The following DIAPH3 variants were observed in gnomAD, a reference collection of about 807,000 sequenced individuals.
DIAPH3 encodes protein diaphanous homolog 3.
In DIAPH3, 117 loss-of-function variants were observed where a neutral mutation model predicts 144.3. The observed-to-expected ratio is 0.81, with a 90% CI of 0.70 to 0.95. The LOEUF is 0.95. Ranked by LOEUF, DIAPH3 falls within the 40% of genes least tolerant of loss-of-function variation. The pLI, the probability that DIAPH3 is intolerant of heterozygous loss-of-function variation, is 0.00. For synonymous variants in DIAPH3, 519 were observed against 488.9 expected, an observed-to-expected ratio of 1.06 and a Z score of -0.81; for missense variants, 1,421 against 1,412.7, an observed-to-expected ratio of 1.01 and a Z score of -0.09.
intron 25 of DIAPH3, among the ~76,000 whole-genome samples, chr13:59,784,105 C>T (rs182519496): frequency 4.6e-5 from 7 of 152,152 alleles, no homozygotes; most frequent in East Asian, 1.9e-4. Context: ...TATTTAGAGG[C>T]GAAGTCTTGC....
At chr13:59,836,520 G>A (rs1418100781) in intron 23 of DIAPH3, among the ~76,000 whole-genome samples, 2 of 151,622 alleles carry the variant, frequency 1.3e-5, no homozygotes, top group South Asian at 2.1e-4. Context: ...TTTAAAGGAT[G>A]CACTAAATTC....
chr13:60,039,310 CT>C (rs35036139), intron 5 of DIAPH3, among the ~76,000 whole-genome samples: 25 of 147,230 alleles, frequency 1.7e-4, no homozygotes, highest in South Asian at 2.2e-4. Flanking sequence ...ATTTCTTTCT[CT>C]TTTTTTTTTT....
At chr13:59,806,823 T>A (rs1002694255) in intron 25 of DIAPH3, among the ~76,000 whole-genome samples, 3 of 151,920 alleles carry the variant, frequency 2.0e-5, no homozygotes, top group Non-Finnish European at 4.4e-5. Context: ...ATTTTTATAA[T>A]AGTACAATGT....
rs2039841015 is a variant in DIAPH3, at chr13:59,800,343, T to C, written c.3163+10445A>G. 2.0e-5 allele frequency among the ~76,000 whole-genome samples: 3 copies of C among 152,162 alleles called. No homozygotes were observed. In the South Asian group the frequency reaches 6.2e-4, roughly 32 times the overall value. On this transcript the variant is annotated intron_variant, in intron 25 of 27. Coordinates refer to ENST00000400324, the MANE Select transcript of DIAPH3 (RefSeq NM_001042517.2). The stretch of plus-strand genomic sequence containing the variant: ...ATATCCTACTTATATCAAAGTGCAA[T>C]GCTTTAGGAATAGGACAGTATCAAG...
rs879262453 is a variant in DIAPH3 at position 59,726,087 on chromosome 13, T to TA, written c.3319+48101dup. ...AAAAAGCCTATTCCATTCTATGAAT[T>TA]AAAATTTCACTTTACAAGTATATTA... is the stretch of plus-strand genomic sequence containing the variant. On this transcript the variant is annotated intron_variant, in intron 27 of 27. Coordinates refer to ENST00000400324, the MANE Select transcript of DIAPH3 (RefSeq NM_001042517.2). 3.9e-5 allele frequency among the ~76,000 whole-genome samples: 6 copies of TA among 152,368 alleles called. 1 individual carries two copies. Among genetic ancestry groups the TA allele is most frequent in the Admixed American group, 3.9e-4 (6 of 15,306 alleles).
intron 1 of DIAPH3, among the ~76,000 whole-genome samples, chr13:60,152,896 G>A (rs939296819): frequency 6.6e-6 from 1 of 152,000 alleles, no homozygotes; most frequent in Non-Finnish European, 1.5e-5. Context: ...CCTGGTTCAG[G>A]TACACATCTA....
At chr13:59,961,548 C>A (rs1000841476) in intron 17 of DIAPH3, among the ~76,000 whole-genome samples, 3 of 152,176 alleles carry the variant, frequency 2.0e-5, no homozygotes, top group African/African-American at 7.2e-5. Flanking sequence ...CTTTAATATA[C>A]ATTGTGGAAT....
chr13:60,139,660 AATT>A (rs1383860933), intron 1 of DIAPH3, among the ~76,000 whole-genome samples: 1 of 152,164 alleles, frequency 6.6e-6, no homozygotes, highest in Non-Finnish European at 1.5e-5. Context: ...AGAAAAAAAC[AATT>A]ATCATATTGT....
intron 3 of DIAPH3, among the ~76,000 whole-genome samples, chr13:60,110,598 G>A (rs932108252): frequency 1.3e-5 from 2 of 152,100 alleles, no homozygotes; most frequent in Non-Finnish European, 2.9e-5. Flanking sequence ...AATCAGTAAG[G>A]GAAAGAAAGA....
In DIAPH3 at chr13:59,666,177, G is replaced by C. The variant is rs1352133332; in HGVS notation, c.*407C>G. On this transcript the variant is annotated 3_prime_UTR_variant, in exon 28 of 28. Coordinates refer to ENST00000400324, the MANE Select transcript of DIAPH3 (RefSeq NM_001042517.2). ...TATGGAATATACATGGATATGTAAA[G>C]ACTTGAGGTTGATGACCTGACATCC... is the stretch of plus-strand genomic sequence containing the variant. 1 of 176,704 alleles carries C rather than the reference G, an allele frequency of 5.7e-6. No homozygotes were observed. Among genetic ancestry groups the C allele is most frequent in the Non-Finnish European group, 1.2e-5 (1 of 84,438 alleles). 10.9% of individuals were successfully genotyped at this position (176,704 alleles called of 1,614,324 possible).
At position 60,101,286 on chromosome 13, in the gene DIAPH3, A is replaced by G. The variant is rs1404810434; in HGVS notation, c.391-7554T>C. On this transcript the variant is annotated intron_variant, in intron 3 of 27. Coordinates refer to ENST00000400324, the MANE Select transcript of DIAPH3 (RefSeq NM_001042517.2). ...TCTCATCTCCCTCATTCTTATTTCC[A>G]TATTATTTATCTATGTTATCATCTA... Among the ~76,000 whole-genome samples the G allele has an allele frequency of 6.6e-5, 10 of 152,042 alleles. No homozygotes were observed. In the East Asian group the frequency reaches 1.7e-3, roughly 27 times the overall value.
At chr13:60,028,498 G>A (rs567523752) in intron 5 of DIAPH3, among the ~76,000 whole-genome samples, 24 of 152,168 alleles carry the variant, frequency 1.6e-4, no homozygotes, top group Middle Eastern at 3.4e-3. Context: ...CTACTCCTCA[G>A]TCTGTGTTTC....
chr13:59,753,539 G>A (rs1484211999), intron 27 of DIAPH3, among the ~76,000 whole-genome samples: 3 of 152,252 alleles, frequency 2.0e-5, no homozygotes, highest in Non-Finnish European at 4.4e-5. Flanking sequence ...ATATCCTCTC[G>A]TGACACTGCC....
At chr13:60,106,029 A>T (rs2058409409) in intron 3 of DIAPH3, among the ~76,000 whole-genome samples, 1 of 152,154 alleles carries the variant, frequency 6.6e-6, no homozygotes, top group Non-Finnish European at 1.5e-5. Context: ...ATTAGTATGT[A>T]CCCTAAGAGT....
chr13:60,131,863 T>C (rs2059151370), intron 2 of DIAPH3, among the ~76,000 whole-genome samples: 1 of 152,222 alleles, frequency 6.6e-6, no homozygotes, highest in Non-Finnish European at 1.5e-5. Flanking sequence ...ACACTAAGTA[T>C]ATGAGACTTA....
intron 2 of DIAPH3, among the ~76,000 whole-genome samples, chr13:60,122,092 A>G (rs2058861961): frequency 6.6e-6 from 1 of 152,138 alleles, no homozygotes; most frequent in South Asian, 2.1e-4. Flanking sequence ...ATAGCCCCTC[A>G]TTACTCAAAG....
intron 25 of DIAPH3, among the ~76,000 whole-genome samples, chr13:59,783,314 T>G (rs1566302939): frequency 6.6e-6 from 1 of 152,194 alleles, no homozygotes. Flanking sequence ...CTCAGCCAAT[T>G]GTATATATAT....
chr13:59,714,583 A>G (rs1016531420), intron 27 of DIAPH3, among the ~76,000 whole-genome samples: 1 of 151,894 alleles, frequency 6.6e-6, no homozygotes, highest in African/African-American at 2.4e-5. Context: ...AGGATGTTAA[A>G]CCTCAGTTTA....
At chr13:59,796,639 A>G (rs1017157350) in intron 25 of DIAPH3, among the ~76,000 whole-genome samples, 15 of 152,208 alleles carry the variant, frequency 9.9e-5, no homozygotes, top group African/African-American at 2.9e-4. Flanking sequence ...TAACTTCACC[A>G]TATCAGTAAC....
Sources: allele counts gnomAD v4.1 joint callset (sites outside exome capture counted in the v4.1 genomes callset), GRCh38; gene constraint gnomAD v4.1.1; transcripts MANE v1.5; gene names NCBI Gene and HGNC (gene_info 2026-07-23, HGNC 2026-07-21).